MAP3K19: variants seen among roughly 807,000 people sequenced by gnomAD.
The protein encoded by MAP3K19 is mitogen-activated protein kinase kinase kinase 19.
In MAP3K19, 91 loss-of-function variants were observed where a neutral mutation model predicts 114.4. The observed-to-expected ratio is 0.80, with a 90% CI of 0.67 to 0.95. The LOEUF is 0.95. Ranked by LOEUF, MAP3K19 falls within the 40% of genes least tolerant of loss-of-function variation. The pLI is 0.00. For missense variants in MAP3K19, 1,471 were observed against 1,573.2 expected (o/e 0.94, Z 1.10); for synonymous variants, 518 against 530.5 (o/e 0.98, Z 0.32).
At chr2:134,969,153 GC>G (rs1490338840) in intron 12 of MAP3K19, among the ~76,000 whole-genome samples, 2 of 151,036 alleles carry the variant, frequency 1.3e-5, no homozygotes, top group Middle Eastern at 3.4e-3. Context: ...CTGGAGACCG[GC>G]CCAGCCAACA....
intron 12 of MAP3K19, among the ~76,000 whole-genome samples, chr2:134,980,113 C>T (rs951940841): frequency 6.6e-5 from 10 of 152,146 alleles, no homozygotes; most frequent in Non-Finnish European, 1.5e-4. Context: ...TGTGCAGTAT[C>T]CTAGAGTGGG....
chr2:135,035,270 G>T (rs1166378694), intron 2 of MAP3K19, among the ~76,000 whole-genome samples: 1 of 152,128 alleles, frequency 6.6e-6, no homozygotes, highest in Non-Finnish European at 1.5e-5. Flanking sequence ...GATGGCACAT[G>T]CCTGTAGTCC....
intron 5 of MAP3K19, among the ~76,000 whole-genome samples, chr2:135,017,141 T>G: frequency 6.9e-6 from 1 of 143,978 alleles, no homozygotes; most frequent in East Asian, 1.9e-4. Context: ...CTCTTCATAT[T>G]AAGGAAGATA....
chr2:134,969,601 A>T lies in MAP3K19; in HGVS notation c.3921-4685T>A, dbSNP rs1311148964. On this transcript the variant is annotated intron_variant, in intron 12 of 12. Coordinates refer to ENST00000392915, the MANE Select transcript of MAP3K19 (RefSeq NM_025052.5). ...TTTTGCAAATATTTTCTCCCATTCA[A>T]CAGGTCGTCTCTTCACACTGTGCTT... is the stretch of plus-strand genomic sequence containing the variant. Among the ~76,000 whole-genome samples the T allele has an allele frequency of 2.0e-5, 3 of 152,132 alleles. No homozygotes were observed. The East Asian group carries it at 5.8e-4, about 29-fold the overall frequency.
intron 2 of MAP3K19, among the ~76,000 whole-genome samples, chr2:135,033,769 G>A (rs1574054724): frequency 1.1e-5 from 1 of 94,250 alleles, no homozygotes; most frequent in Non-Finnish European, 1.9e-5. Context: ...CCCAGTAGGG[G>A]TGGCCGGGCA....
At chr2:135,024,556 T>C (rs1688180575) in intron 4 of MAP3K19, 70 bp downstream of exon 4, 2 of 1,346,292 alleles carry the variant, frequency 1.5e-6, no homozygotes, top group Admixed American at 1.7e-5. Flanking sequence ...CAAACAGATG[T>C]AGAAAAAGAA....
intron 12 of MAP3K19, among the ~76,000 whole-genome samples, chr2:134,965,668 G>A (rs1039427171): frequency 1.4e-4 from 22 of 151,930 alleles, no homozygotes; most frequent in African/African-American, 4.6e-4. Context: ...TCCCCTACCC[G>A]CTACATTGTG....
chr2:134,974,053 G>C (rs1300252049), intron 12 of MAP3K19, among the ~76,000 whole-genome samples: 3 of 152,074 alleles, frequency 2.0e-5, no homozygotes, highest in Non-Finnish European at 4.4e-5. Flanking sequence ...CCAGGCTAGA[G>C]TGCAAAGGCA....
chr2:135,035,199 C>G (rs1347130422), intron 2 of MAP3K19, among the ~76,000 whole-genome samples: 1 of 152,156 alleles, frequency 6.6e-6, no homozygotes, highest in African/African-American at 2.4e-5. Flanking sequence ...GAGTTCAAGA[C>G]CAGCCTGGGC....
chr2:135,002,041 C>T (rs1303875747), intron 6 of MAP3K19, among the ~76,000 whole-genome samples: 4 of 152,188 alleles, frequency 2.6e-5, no homozygotes, highest in Non-Finnish European at 5.9e-5. Flanking sequence ...CTGTGAGTTG[C>T]TGACGTTGCT....
intron 8 of MAP3K19, among the ~76,000 whole-genome samples, chr2:134,992,916 T>C (rs539208457): frequency 6.6e-6 from 1 of 151,952 alleles, no homozygotes; most frequent in Non-Finnish European, 1.5e-5. Context: ...CTTGACCTCG[T>C]GATCCACCGG....
intron 4 of MAP3K19, chr2:135,023,613 CTG>C (rs1688127259): frequency 2.0e-6 from 1 of 500,802 alleles, no homozygotes. Flanking sequence ...GCGGTTGTCT[CTG>C]TGTCTCCGCT....
intron 1 of MAP3K19, among the ~76,000 whole-genome samples, chr2:135,043,253 G>C (rs1341683905): frequency 2.6e-5 from 4 of 152,194 alleles, no homozygotes; most frequent in Admixed American, 2.0e-4. Context: ...GTCAGCAGCA[G>C]AGCCAGTATG....
chr2:135,008,199 T>C (rs1686968417), intron 5 of MAP3K19, among the ~76,000 whole-genome samples: 1 of 152,078 alleles, frequency 6.6e-6, no homozygotes, highest in South Asian at 2.1e-4. Flanking sequence ...CTCAGCTCAC[T>C]GCAACCTCCA....
intron 5 of MAP3K19, among the ~76,000 whole-genome samples, chr2:135,011,094 TAAAGA>T (rs1326359033): frequency 1.3e-5 from 2 of 152,148 alleles, no homozygotes; most frequent in Non-Finnish European, 2.9e-5. Context: ...AGCTTTCATT[TAAAGA>T]AAAGAGTGAA....
chr2:134,970,746 C>T (rs1445615285), intron 12 of MAP3K19, among the ~76,000 whole-genome samples: 4 of 151,778 alleles, frequency 2.6e-5, no homozygotes, highest in African/African-American at 7.3e-5. Context: ...TACAGGTGCC[C>T]GCCACCACAC....
At chr2:135,029,409 A>G (rs1688331202) in intron 3 of MAP3K19, among the ~76,000 whole-genome samples, 1 of 152,132 alleles carries the variant, frequency 6.6e-6, no homozygotes, top group Admixed American at 6.5e-5. Context: ...AAAACATTAG[A>G]TTACAATTAC....
chr2:135,006,192 G>C (rs912130912), intron 5 of MAP3K19, among the ~76,000 whole-genome samples: 2 of 152,172 alleles, frequency 1.3e-5, no homozygotes, highest in African/African-American at 4.8e-5. Context: ...CATTGTTTTT[G>C]ATAGTTTCCT....
At chr2:135,033,363 T>G (rs867066099) in intron 2 of MAP3K19, among the ~76,000 whole-genome samples, 3 of 78,890 alleles carry the variant, frequency 3.8e-5, no homozygotes, top group Non-Finnish European at 2.3e-5. Context: ...GCTGGCCGGG[T>G]GGGGGGCTGA....
Sources: gnomAD v4.1 joint callset for allele counts (sites outside exome capture counted in the v4.1 genomes callset) on GRCh38, gnomAD v4.1.1 for gene constraint, MANE v1.5 for transcripts, NCBI Gene and HGNC (gene_info 2026-07-23, HGNC 2026-07-21) for gene names.